TMEM236: variants seen among roughly 807,000 people sequenced by gnomAD.
TMEM236 encodes the protein family with sequence similarity 23, member A.
In TMEM236, 11 loss-of-function variants were observed where a neutral mutation model predicts 14.7. The observed-to-expected ratio is 0.75, with a 90% CI of 0.47 to 1.24. The LOEUF is 1.24. Among genes scored for constraint, TMEM236 ranks in the 50% most tolerant of loss-of-function variants. The pLI is 0.00. For missense variants in TMEM236, 464 were observed against 427.3 expected (o/e 1.09, Z -0.76); for synonymous variants, 182 against 168.6 (o/e 1.08, Z -0.62).
At chr10:17,758,158 C>T (rs977746584) in intron 1 of TMEM236, among the ~76,000 whole-genome samples, 93 of 152,254 alleles carry the variant, frequency 6.1e-4, no homozygotes, top group African/African-American at 2.1e-3. Flanking sequence ...TATAGGGTGT[C>T]ATGTCTTGAT....
intron 1 of TMEM236, among the ~76,000 whole-genome samples, chr10:17,754,924 T>TTTTTTTTA (rs1554833612): frequency 6.8e-6 from 1 of 146,672 alleles, no homozygotes; most frequent in African/African-American, 2.5e-5. Context: ...CATACTGATG[T>TTTTTTTTA]TTTATTTATT....
chr10:17,770,255 C>T (rs1837547242), intron 1 of TMEM236, among the ~76,000 whole-genome samples: 2 of 152,094 alleles, frequency 1.3e-5, no homozygotes, highest in Admixed American at 1.3e-4. Flanking sequence ...ATGGAATTAA[C>T]ATAATATATA....
intron 3 of TMEM236, among the ~76,000 whole-genome samples, chr10:17,782,123 C>G (rs918476002): frequency 2.6e-5 from 4 of 152,016 alleles, no homozygotes; most frequent in African/African-American, 9.7e-5. Flanking sequence ...GCAGTTTCAG[C>G]TTTGTAGGCA....
intron 1 of TMEM236, among the ~76,000 whole-genome samples, chr10:17,761,987 C>T (rs1837372493): frequency 6.6e-6 from 1 of 152,104 alleles, no homozygotes; most frequent in Non-Finnish European, 1.5e-5. Flanking sequence ...TTGTAGACTT[C>T]ACCTCCTCTG....
At chr10:17,779,882 G>A (rs1210809437) in intron 3 of TMEM236, among the ~76,000 whole-genome samples, 1 of 152,138 alleles carries the variant, frequency 6.6e-6, no homozygotes, top group Non-Finnish European at 1.5e-5. Context: ...TCTAAATGCT[G>A]TTGGTGCTGC....
Position 17,796,402 on chromosome 10 carries a change from A to G in TMEM236, c.954A>G (p.Val318=). The G allele has an allele frequency of 6.2e-7, 1 of 1,613,834 alleles. No individual in the cohort carries two copies. Among genetic ancestry groups the G allele is most frequent in the Non-Finnish European group, 8.5e-7 (1 of 1,179,800 alleles). The change falls in exon 4 of 4, where the codon GTA becomes GTG. Residue 318 remains valine (V), a synonymous_variant. Coordinates refer to ENST00000377495, the MANE Select transcript of TMEM236 (RefSeq NM_001098844.3). ...TTGCCCTGGGGACTATCACACCCGT[A>G]CTGGGCCTGTGTAAAAATATCCTCG... ...LIIALGTITP[V]LGLCKNILVT...
chr10:17,773,042 A>C (rs1017863510), intron 2 of TMEM236, among the ~76,000 whole-genome samples: 17 of 152,224 alleles, frequency 1.1e-4, no homozygotes, highest in Non-Finnish European at 1.8e-4. Context: ...ACATTTTATG[A>C]AAAGATCATA....
intron 3 of TMEM236, among the ~76,000 whole-genome samples, chr10:17,790,445 A>G (rs1323161913): frequency 6.6e-6 from 1 of 152,144 alleles, no homozygotes. Context: ...AGTCCCAGAT[A>G]GTTGGGAGGC....
At chr10:17,767,799 T>A (rs1837492858) in intron 1 of TMEM236, among the ~76,000 whole-genome samples, 1 of 152,284 alleles carries the variant, frequency 6.6e-6, no homozygotes, top group South Asian at 2.1e-4. Context: ...GTATCACAGA[T>A]CTTTTCATAT....
chr10:17,775,914 A>C (rs1554835119), intron 2 of TMEM236, 115 bp from the exon 3 acceptor site: 44 of 1,352,954 alleles, frequency 3.3e-5, no homozygotes. Flanking sequence ...CCAACCTTCT[A>C]GTTTTTTAGT....
intron 3 of TMEM236, among the ~76,000 whole-genome samples, chr10:17,782,096 T>A (rs1362277675): frequency 1.3e-5 from 2 of 151,920 alleles, no homozygotes; most frequent in Non-Finnish European, 2.9e-5. Context: ...GTCTTGTGAC[T>A]ACTGCTGCTG....
intron 1 of TMEM236, among the ~76,000 whole-genome samples, chr10:17,762,126 G>A (rs902594296): frequency 6.6e-6 from 1 of 151,998 alleles, no homozygotes; most frequent in Non-Finnish European, 1.5e-5. Flanking sequence ...TCCCCAAATT[G>A]TGTCTCCAGG....
chr10:17,759,153 T>TG (rs1334778955), intron 1 of TMEM236, among the ~76,000 whole-genome samples: 9 of 152,172 alleles, frequency 5.9e-5, no homozygotes, highest in African/African-American at 2.2e-4. Flanking sequence ...GTGAGATGGT[T>TG]GGGGGAATGA....
At chr10:17,769,739 A>G (rs1414316876) in intron 1 of TMEM236, among the ~76,000 whole-genome samples, 4 of 152,160 alleles carry the variant, frequency 2.6e-5, no homozygotes, top group African/African-American at 7.2e-5. Flanking sequence ...TCATCTTCTA[A>G]TTTATATTTA....
At chr10:17,767,669 TG>T (rs1463201863) in intron 1 of TMEM236, among the ~76,000 whole-genome samples, 1 of 152,172 alleles carries the variant, frequency 6.6e-6, no homozygotes, top group African/African-American at 2.4e-5. Flanking sequence ...CAATTTACAT[TG>T]TTTCTTTCAT....
At chr10:17,754,952 ATTTG>A (rs1248432022) in intron 1 of TMEM236, among the ~76,000 whole-genome samples, 7 of 150,186 alleles carry the variant, frequency 4.7e-5, no homozygotes, top group Non-Finnish European at 5.9e-5. Flanking sequence ...TTATTTATTT[ATTTG>A]AGACAGAGTT....
intron 1 of TMEM236, among the ~76,000 whole-genome samples, chr10:17,754,790 G>T (rs1554833609): frequency 6.6e-6 from 1 of 151,864 alleles, no homozygotes; most frequent in Non-Finnish European, 1.5e-5. Flanking sequence ...TCCACATAAG[G>T]GTATTGAGAA....
chr10:17,785,291 G>A (rs1837816159), intron 3 of TMEM236, among the ~76,000 whole-genome samples: 1 of 152,200 alleles, frequency 6.6e-6, no homozygotes, highest in African/African-American at 2.4e-5. Flanking sequence ...TCTACCTAGC[G>A]ATCAACAGAC....
intron 2 of TMEM236, 126 bp from the exon 3 acceptor site, chr10:17,775,903 A>G (rs1837651531): frequency 7.8e-7 from 1 of 1,287,238 alleles, no homozygotes; most frequent in Non-Finnish European, 1.1e-6. Context: ...TGAGTTAAAA[A>G]CCAACCTTCT....
Sources: allele counts gnomAD v4.1 joint callset (sites outside exome capture counted in the v4.1 genomes callset), GRCh38; gene constraint gnomAD v4.1.1; transcripts MANE v1.5; gene names NCBI Gene and HGNC (gene_info 2026-07-23, HGNC 2026-07-21).